RIMS1: variants seen among roughly 807,000 people sequenced by gnomAD.
RIMS1 encodes regulating synaptic membrane exocytosis protein 1.
A neutral mutation model predicts 214.1 loss-of-function variants in RIMS1; 83 were observed. That is an observed-to-expected ratio of 0.39 (90% CI 0.32 to 0.47). The LOEUF (loss-of-function observed/expected upper bound fraction) is 0.47, where lower values mean the gene tolerates loss of function less well. Among genes scored for constraint, RIMS1 ranks in the 20% least tolerant of loss-of-function variants. RIMS1 has a pLI of 0.99. For missense variants in RIMS1, 2,050 were observed against 2,161.8 expected (o/e 0.95, Z 1.03); for synonymous variants, 793 against 786.8 (o/e 1.01, Z -0.13).
chr6:71,902,834 A>G (rs1774105803), intron 1 of RIMS1, among the ~76,000 whole-genome samples: 1 of 152,136 alleles, frequency 6.6e-6, no homozygotes, highest in Non-Finnish European at 1.5e-5. Context: ...AGCTCCATCC[A>G]TGTACCTGCA....
intron 24 of RIMS1, among the ~76,000 whole-genome samples, chr6:72,288,290 A>C (rs991575660): frequency 3.3e-5 from 5 of 152,226 alleles, no homozygotes; most frequent in African/African-American, 1.2e-4. Flanking sequence ...GTGTGTGAGA[A>C]TACAAAAAGG....
chr6:72,182,684 C>G lies in RIMS1; in HGVS notation c.1213C>G (p.Pro405Ala), dbSNP rs1366874463. 6.8e-7 allele frequency: 1 copy of G among 1,472,668 alleles called. No homozygotes were observed. Among genetic ancestry groups the G allele is most frequent in the Non-Finnish European group, 8.9e-7 (1 of 1,119,186 alleles). The allele number at this position is 1,472,668 out of a possible 1,614,324, so 91.2% of individuals were successfully genotyped here. A position where few individuals can be genotyped will look rare whatever the true frequency, so the allele number is the denominator to read the frequency against. The change falls in exon 6 of 34, where the codon CCG becomes GCG. Residue 405 changes from proline to alanine, a missense_variant. Around this residue, in one of 6 missense-constraint regions of RIMS1, gnomAD observed 882 missense variants for 828.9 expected, o/e 1.06. Coordinates refer to ENST00000521978, the MANE Select transcript of RIMS1 (RefSeq NM_014989.7). ...LPRTEAGAALPEGKAGKRAPA... is the reference protein window; with the variant it reads ...LPRTEAGAALAEGKAGKRAPA... The stretch of plus-strand genomic sequence containing the variant: ...GCGCACCGAGGCGGGCGCGGCGCTG[C>G]CGGAGGGCAAGGCCGGCAAACGCGC...
chr6:72,129,998 A>G (rs989896040), intron 4 of RIMS1, among the ~76,000 whole-genome samples: 2 of 152,190 alleles, frequency 1.3e-5, no homozygotes, highest in Non-Finnish European at 2.9e-5. Flanking sequence ...TTTCAGGATA[A>G]TATCATTTTC....
intron 29 of RIMS1, among the ~76,000 whole-genome samples, chr6:72,364,553 C>T (rs2097924109): frequency 6.6e-6 from 1 of 152,088 alleles, no homozygotes; most frequent in Non-Finnish European, 1.5e-5. Flanking sequence ...ATTGGCTAAA[C>T]CACATAGTCC....
intron 1 of RIMS1, among the ~76,000 whole-genome samples, chr6:71,949,006 G>A (rs1788660721): frequency 8.5e-5 from 13 of 152,180 alleles, no homozygotes; most frequent in Admixed American, 8.5e-4. Flanking sequence ...CAATTAGCAG[G>A]GCTTCAAGTA....
intron 6 of RIMS1, among the ~76,000 whole-genome samples, chr6:72,217,489 C>T (rs2056681179): frequency 6.6e-6 from 1 of 152,180 alleles, no homozygotes; most frequent in Admixed American, 6.5e-5. Flanking sequence ...TTTAGTATTA[C>T]ATTTAAGTCT....
chr6:71,942,921 C>T (rs961335202), intron 1 of RIMS1, among the ~76,000 whole-genome samples: 7 of 151,760 alleles, frequency 4.6e-5, no homozygotes, highest in African/African-American at 1.7e-4. Flanking sequence ...TTAAAACTAA[C>T]CATAAGTATT....
chr6:72,365,426 T>C (rs2097962585), intron 29 of RIMS1, among the ~76,000 whole-genome samples: 1 of 152,252 alleles, frequency 6.6e-6, no homozygotes, highest in Non-Finnish European at 1.5e-5. Context: ...AACTTTTGAA[T>C]TACATAGACT....
chr6:72,053,985 G>A (rs1467303342), intron 2 of RIMS1, among the ~76,000 whole-genome samples: 1 of 152,024 alleles, frequency 6.6e-6, no homozygotes, highest in African/African-American at 2.4e-5. Context: ...GTATACGTGT[G>A]CCATGGTGGT....
intron 22 of RIMS1, among the ~76,000 whole-genome samples, chr6:72,267,089 C>T (rs1434043112): frequency 1.3e-5 from 2 of 151,958 alleles, no homozygotes; most frequent in Non-Finnish European, 2.9e-5. Flanking sequence ...TATTCTTTTA[C>T]ATTTGTAAAC....
chr6:72,160,049 A>G (rs2045114758), intron 4 of RIMS1, among the ~76,000 whole-genome samples: 1 of 127,092 alleles, frequency 7.9e-6, no homozygotes, highest in African/African-American at 2.6e-5. Context: ...ATTTGTTTGT[A>G]TCCTCTTTTA....
chr6:72,196,245 ATAAT>A (rs1405540614), intron 6 of RIMS1, among the ~76,000 whole-genome samples: 8 of 152,232 alleles, frequency 5.3e-5, no homozygotes, highest in African/African-American at 1.9e-4. Flanking sequence ...TATTCATGTA[ATAAT>A]TTATTTAATA....
chr6:72,181,561 T>C (rs1562510486), intron 5 of RIMS1, among the ~76,000 whole-genome samples: 1 of 152,208 alleles, frequency 6.6e-6, no homozygotes, highest in Non-Finnish European at 1.5e-5. Flanking sequence ...AAGGGCTGAA[T>C]AGATACTTTT....
At chr6:72,135,752 C>T (rs17781511) in intron 4 of RIMS1, among the ~76,000 whole-genome samples, 42,485 of 152,000 alleles carry the variant, frequency 0.28, 6,918 homozygotes, top group Non-Finnish European at 0.37. Context: ...AATGTTTTTG[C>T]GGGTTTGGGT....
intron 2 of RIMS1, among the ~76,000 whole-genome samples, chr6:72,009,639 GGGAT>G (rs201275676): frequency 0.13 from 19,941 of 151,860 alleles, 1,334 homozygotes; most frequent in South Asian, 0.18. Context: ...AATGATAAAG[GGGAT>G]ATCACCACTG....
At chr6:72,164,246 A>C (rs891018669) in intron 4 of RIMS1, among the ~76,000 whole-genome samples, 3 of 152,176 alleles carry the variant, frequency 2.0e-5, no homozygotes, top group African/African-American at 7.2e-5. Context: ...GGCAAAGCGC[A>C]GTATTAGGGT....
At chr6:72,072,710 C>T (rs890829349) in intron 2 of RIMS1, among the ~76,000 whole-genome samples, 4 of 152,142 alleles carry the variant, frequency 2.6e-5, no homozygotes, top group African/African-American at 9.7e-5. Flanking sequence ...TCAAGCAGCT[C>T]CCAGCCCAGT....
chr6:72,080,366 T>C (rs896948031), intron 2 of RIMS1, among the ~76,000 whole-genome samples: 1 of 152,166 alleles, frequency 6.6e-6, no homozygotes, highest in Non-Finnish European at 1.5e-5. Flanking sequence ...AGAAGGAAGA[T>C]GTAACTGAAC....
chr6:72,253,751 A>G (rs1339418496), intron 16 of RIMS1, among the ~76,000 whole-genome samples: 1 of 152,224 alleles, frequency 6.6e-6, no homozygotes, highest in Non-Finnish European at 1.5e-5. Context: ...CTACGATACT[A>G]ACTTCACAGT....
Sources: gnomAD v4.1 joint callset for allele counts (sites outside exome capture counted in the v4.1 genomes callset) on GRCh38, gnomAD v4.1.1 for gene constraint, gnomAD v4.1.1 regional missense constraint, MANE v1.5 for transcripts, NCBI Gene and HGNC (gene_info 2026-07-23, HGNC 2026-07-21) for gene names.